Variants in CLOCK observed in about 807,000 individuals in gnomAD.
CLOCK encodes the protein circadian locomoter output cycles protein kaput.
A neutral mutation model predicts 118.4 loss-of-function variants in CLOCK; 43 were observed. That is an observed-to-expected ratio of 0.36 (90% CI 0.28 to 0.47). CLOCK has a LOEUF of 0.47. Among genes scored for constraint, CLOCK ranks in the 20% least tolerant of loss-of-function variants. The pLI is 1.00. For synonymous variants in CLOCK, 326 were observed against 339.2 expected, an observed-to-expected ratio of 0.96 and a Z score of 0.43; for missense variants, 846 against 999.9, an observed-to-expected ratio of 0.85 and a Z score of 2.08.
At chr4:55,447,267 T>C (rs569757744) in intron 18 of CLOCK, among the ~76,000 whole-genome samples, 2 of 152,162 alleles carry the variant, frequency 1.3e-5, no homozygotes, top group African/African-American at 2.4e-5. Context: ...CTCGGGAGAC[T>C]GAGGCGGGAT....
intron 1 of CLOCK, among the ~76,000 whole-genome samples, chr4:55,531,513 T>C (rs775634675): frequency 3.4e-4 from 51 of 151,958 alleles, no homozygotes; most frequent in Non-Finnish European, 5.0e-4. Context: ...GAGACCATCC[T>C]GGCCAACATG....
chr4:55,444,280 G>A (rs192342371), intron 19 of CLOCK, among the ~76,000 whole-genome samples: 1 of 152,118 alleles, frequency 6.6e-6, no homozygotes, highest in Admixed American at 6.5e-5. Flanking sequence ...ATACATACTG[G>A]TATCTTAATA....
intron 1 of CLOCK, among the ~76,000 whole-genome samples, chr4:55,515,465 C>G (rs1311283247): frequency 6.6e-6 from 1 of 152,182 alleles, no homozygotes; most frequent in African/African-American, 2.4e-5. Context: ...GCCTCCGCCT[C>G]CCGGGTTCAA....
intron 1 of CLOCK, among the ~76,000 whole-genome samples, chr4:55,522,633 C>T (rs1223906329): frequency 6.6e-6 from 1 of 152,098 alleles, no homozygotes; most frequent in African/African-American, 2.4e-5. Flanking sequence ...GTAAGATTAA[C>T]AGCCATATAT....
intron 1 of CLOCK, among the ~76,000 whole-genome samples, chr4:55,536,024 G>A (rs1014664828): frequency 3.3e-5 from 5 of 151,994 alleles, no homozygotes; most frequent in Non-Finnish European, 5.9e-5. Context: ...AACAACACTA[G>A]GAGACTAATT....
chr4:55,527,825 T>C (rs1039899719), intron 1 of CLOCK, among the ~76,000 whole-genome samples: 1 of 149,474 alleles, frequency 6.7e-6, no homozygotes, highest in African/African-American at 2.5e-5. Context: ...AGAGGATCAG[T>C]TGAGGCCAGG....
intron 2 of CLOCK, among the ~76,000 whole-genome samples, chr4:55,506,002 T>G (rs1391658371): frequency 6.6e-6 from 1 of 152,068 alleles, no homozygotes; most frequent in Non-Finnish European, 1.5e-5. Context: ...ATATCTACAG[T>G]ATAGTTACCA....
chr4:55,459,047 C>T (rs1172335028), intron 10 of CLOCK, 37 bp from the exon 11 acceptor site: 2 of 1,544,250 alleles, frequency 1.3e-6, no homozygotes, highest in Non-Finnish European at 1.8e-6. Context: ...TCAGTTATGC[C>T]AGCAAAACCT....
intron 7 of CLOCK, among the ~76,000 whole-genome samples, chr4:55,474,157 T>A (rs1468941493): frequency 6.6e-6 from 1 of 152,120 alleles, no homozygotes; most frequent in Non-Finnish European, 1.5e-5. Context: ...AGAAAAGTTT[T>A]AGTGAACACA....
intron 9 of CLOCK, 116 bp from the exon 10 acceptor site, chr4:55,459,377 C>G (rs975168357): frequency 1.4e-6 from 1 of 704,244 alleles, no homozygotes; most frequent in Middle Eastern, 3.8e-4. Context: ...TTTTCCCCAA[C>G]AGAAGTCGTC....
At chr4:55,448,758 G>C in intron 18 of CLOCK, 21 bp downstream of exon 18, 2 of 1,597,666 alleles carry the variant, frequency 1.3e-6, no homozygotes, top group Non-Finnish European at 1.7e-6. Context: ...ATACGCAACT[G>C]AAACAAAAAC....
At chr4:55,466,702 C>T (rs1227919544) in intron 8 of CLOCK, among the ~76,000 whole-genome samples, 2 of 152,152 alleles carry the variant, frequency 1.3e-5, no homozygotes, top group Admixed American at 1.3e-4. Flanking sequence ...ACAATTCTGC[C>T]TCTCCTGCCA....
chr4:55,515,451 T>C (rs1729444831), intron 1 of CLOCK, among the ~76,000 whole-genome samples: 1 of 152,190 alleles, frequency 6.6e-6, no homozygotes, highest in Non-Finnish European at 1.5e-5. Context: ...CTCGGCTCAC[T>C]GCAGCCTCCG....
chr4:55,470,616 AC>A, intron 8 of CLOCK, 100 bp downstream of exon 8: 1 of 790,374 alleles, frequency 1.3e-6, no homozygotes, highest in South Asian at 1.5e-5. Flanking sequence ...TACCCCTTTA[AC>A]GACTGTTGTA....
chr4:55,493,650 A>G (rs1220824040), intron 2 of CLOCK, among the ~76,000 whole-genome samples: 6 of 152,270 alleles, frequency 3.9e-5, no homozygotes, highest in African/African-American at 1.4e-4. Context: ...AAAAAATGAA[A>G]TTAAACAGTG....
chr4:55,513,564 G>A (rs1379979653), intron 1 of CLOCK, among the ~76,000 whole-genome samples: 1 of 152,090 alleles, frequency 6.6e-6, no homozygotes, highest in Admixed American at 6.6e-5. Flanking sequence ...TGTAAAGTAA[G>A]TCTTGAAGTC....
At chr4:55,457,261 C>T (rs146027686) in intron 11 of CLOCK, among the ~76,000 whole-genome samples, 1,927 of 152,306 alleles carry the variant, frequency 0.013, 45 homozygotes, top group African/African-American at 0.043. Flanking sequence ...TTATTCTATA[C>T]ATGTGTAGTG....
chr4:55,465,499 G>A (rs529712622), intron 8 of CLOCK, among the ~76,000 whole-genome samples: 2 of 152,158 alleles, frequency 1.3e-5, no homozygotes, highest in Non-Finnish European at 2.9e-5. Flanking sequence ...CATTAACACC[G>A]TGCCTTGTGT....
chr4:55,465,425 C>T (rs975321540), intron 8 of CLOCK, among the ~76,000 whole-genome samples: 7 of 152,056 alleles, frequency 4.6e-5, no homozygotes, highest in African/African-American at 1.7e-4. Context: ...GTCCTGTTGC[C>T]CTATAGCTGA....
Sources: allele counts gnomAD v4.1 joint callset (sites outside exome capture counted in the v4.1 genomes callset), GRCh38; gene constraint gnomAD v4.1.1; transcripts MANE v1.5; gene names NCBI Gene and HGNC (gene_info 2026-07-23, HGNC 2026-07-21).